Variants in PPP3CA observed in about 807,000 individuals in gnomAD.
PPP3CA encodes the protein protein phosphatase 3 catalytic subunit alpha.
A neutral mutation model predicts 66.5 loss-of-function variants in PPP3CA; 14 were observed. The observed-to-expected ratio is 0.21, with a 90% CI of 0.14 to 0.33. The LOEUF (loss-of-function observed/expected upper bound fraction) is 0.33. Ranked by LOEUF, PPP3CA falls within the 10% of genes least tolerant of loss-of-function variation. The probability of loss-of-function intolerance (pLI) is 1.00; values close to 1 mark genes in which losing one functional copy is unlikely to be tolerated. For synonymous variants in PPP3CA, 232 were observed against 226.2 expected, an observed-to-expected ratio of 1.03 and a Z score of -0.23; for missense variants, 317 against 639.5, an observed-to-expected ratio of 0.50 and a Z score of 5.44.
chr4:101,145,788 GA>G (rs1305213216), intron 2 of PPP3CA, among the ~76,000 whole-genome samples: 1 of 152,008 alleles, frequency 6.6e-6, no homozygotes, highest in East Asian at 1.9e-4. Context: ...TAAATAGTGG[GA>G]AAAATATAGA....
intron 1 of PPP3CA, among the ~76,000 whole-genome samples, chr4:101,219,257 A>G (rs1725550096): frequency 6.6e-6 from 1 of 152,016 alleles, no homozygotes; most frequent in East Asian, 1.9e-4. Context: ...AATAGTTAAC[A>G]GATTGCATGC....
intron 2 of PPP3CA, among the ~76,000 whole-genome samples, chr4:101,165,082 T>C (rs1723648955): frequency 6.6e-6 from 1 of 152,102 alleles, no homozygotes; most frequent in African/African-American, 2.4e-5. Flanking sequence ...GAAAGAAGGT[T>C]ATGCTCTATG....
intron 1 of PPP3CA, among the ~76,000 whole-genome samples, chr4:101,202,937 T>C (rs887025886): frequency 2.6e-5 from 4 of 152,192 alleles, no homozygotes; most frequent in Non-Finnish European, 4.4e-5. Context: ...AGTTGTTAGA[T>C]ACAGTATGTG....
chr4:101,337,084 C>CT (rs1355392278), intron 1 of PPP3CA, among the ~76,000 whole-genome samples: 6 of 152,232 alleles, frequency 3.9e-5, no homozygotes, highest in Non-Finnish European at 7.3e-5. Context: ...GACTATTCTT[C>CT]AGCACACATA....
chr4:101,196,182 C>T (rs1724785486), intron 1 of PPP3CA, 66 bp from the exon 2 acceptor site: 13 of 1,409,278 alleles, frequency 9.2e-6, no homozygotes, highest in Non-Finnish European at 1.3e-5. Flanking sequence ...CAATAATAAC[C>T]ACCAAATATC....
intron 2 of PPP3CA, among the ~76,000 whole-genome samples, chr4:101,156,115 A>T (rs1386308652): frequency 6.6e-6 from 1 of 152,236 alleles, no homozygotes; most frequent in African/African-American, 2.4e-5. Flanking sequence ...TATGCTTTTC[A>T]TATGAAAACA....
chr4:101,339,195 T>C (rs1216593436), intron 1 of PPP3CA, among the ~76,000 whole-genome samples: 1 of 152,202 alleles, frequency 6.6e-6, no homozygotes, highest in African/African-American at 2.4e-5. Flanking sequence ...AAATGATATA[T>C]TGAGATGTAA....
intron 12 of PPP3CA, among the ~76,000 whole-genome samples, chr4:101,031,964 T>C (rs1726986340): frequency 6.6e-6 from 1 of 152,212 alleles, no homozygotes; most frequent in Non-Finnish European, 1.5e-5. Flanking sequence ...TGGCTCAAAG[T>C]AGTCAAACCT....
At position 101,346,792 on chromosome 4, in the gene PPP3CA, G is replaced by C. The variant is rs1175599344; in HGVS notation, c.5C>G (p.Ser2Cys). ...CTTGGGATCAATTGCCTTGGGCTCGGACATCTCCAGCTGCCGGAGGACAGC... is the reference window on the plus strand; with the variant it reads ...CTTGGGATCAATTGCCTTGGGCTCGCACATCTCCAGCTGCCGGAGGACAGC... Reference protein sequence around the residue: MSEPKAIDPKLS... With the variant: MCEPKAIDPKLS... Residue 2 changes from serine to cysteine, a missense_variant, in exon 1 of 14, where the codon TCC becomes TGC. By Grantham distance (112) the Ser-to-Cys change is moderately radical (BLOSUM62 -1). This residue lies in a region of PPP3CA where 76 missense variants were observed against 99.5 expected (regional missense o/e 0.76). Transcript: ENST00000394854. 3 of 1,611,044 alleles carry C rather than the reference G, an allele frequency of 1.9e-6. No individual in the cohort carries two copies. Among genetic ancestry groups the C allele is most frequent in the Non-Finnish European group, 2.5e-6 (3 of 1,178,988 alleles).
At chr4:101,174,272 T>C (rs1032749080) in intron 2 of PPP3CA, among the ~76,000 whole-genome samples, 1 of 152,200 alleles carries the variant, frequency 6.6e-6, no homozygotes, top group Non-Finnish European at 1.5e-5. Context: ...AAATTGGCTC[T>C]TTTGAAACAT....
chr4:101,345,812 G>C (rs1729964457), intron 1 of PPP3CA, among the ~76,000 whole-genome samples: 2 of 152,196 alleles, frequency 1.3e-5, no homozygotes, highest in African/African-American at 4.8e-5. Context: ...GCGGCGAAGA[G>C]GAGGCAATAA....
intron 1 of PPP3CA, among the ~76,000 whole-genome samples, chr4:101,206,662 A>C (rs1725139143): frequency 6.6e-6 from 1 of 152,250 alleles, no homozygotes; most frequent in Admixed American, 6.5e-5. Flanking sequence ...TTAACAATCA[A>C]GTCCCATTGA....
chr4:101,345,412 T>C (rs923687975), intron 1 of PPP3CA, among the ~76,000 whole-genome samples: 5 of 152,324 alleles, frequency 3.3e-5, no homozygotes, highest in South Asian at 2.1e-4. Flanking sequence ...AACGACTTGA[T>C]TGCCTTGCAC....
intron 1 of PPP3CA, among the ~76,000 whole-genome samples, chr4:101,235,269 AAGG>A (rs1196566246): frequency 6.6e-6 from 1 of 151,836 alleles, no homozygotes; most frequent in East Asian, 1.9e-4. Context: ...AGTAAATTTA[AAGG>A]AGAATAGCTT....
intron 3 of PPP3CA, among the ~76,000 whole-genome samples, chr4:101,104,043 G>T (rs1006375915): frequency 9.2e-5 from 14 of 152,072 alleles, no homozygotes; most frequent in Non-Finnish European, 1.5e-5. Context: ...CTGGGGTGGG[G>T]GTAATGCATA....
At position 101,278,483 on chromosome 4, in the gene PPP3CA, C is replaced by G. The variant is rs538530695; in HGVS notation, c.58+68256G>C. ...ATAGCTGCTGCTCAGAAACAGACCT[C>G]TCCATATTGAACTTGGAGCTCTCAA... On this transcript the variant is annotated intron_variant, in intron 1 of 13. Transcript: ENST00000394854. 9.8e-5 allele frequency among the ~76,000 whole-genome samples: 15 copies of G among 152,300 alleles called. No homozygotes were observed. The East Asian group carries it at 1.2e-3, about 12-fold the overall frequency.
intron 5 of PPP3CA, among the ~76,000 whole-genome samples, chr4:101,096,914 A>G (rs1214972548): frequency 6.6e-6 from 1 of 152,162 alleles, no homozygotes; most frequent in East Asian, 1.9e-4. Flanking sequence ...GACTTCTCAG[A>G]CTTAGCAATC....
At chr4:101,342,182 T>C (rs1212649984) in intron 1 of PPP3CA, among the ~76,000 whole-genome samples, 1 of 152,186 alleles carries the variant, frequency 6.6e-6, no homozygotes, top group Non-Finnish European at 1.5e-5. Context: ...AATTAGATTC[T>C]AGATGTTAAT....
intron 2 of PPP3CA, among the ~76,000 whole-genome samples, chr4:101,184,069 G>C (rs1724329213): frequency 6.6e-6 from 1 of 152,092 alleles, no homozygotes; most frequent in East Asian, 1.9e-4. Context: ...GACTTCCACT[G>C]GTCTGTAATT....
Sources: allele counts gnomAD v4.1 joint callset (sites outside exome capture counted in the v4.1 genomes callset), GRCh38; gene constraint gnomAD v4.1.1; regional missense constraint gnomAD v4.1.1; transcripts MANE v1.5; gene names NCBI Gene and HGNC (gene_info 2026-07-23, HGNC 2026-07-21).